Variants in ERBB4 observed in about 807,000 individuals in gnomAD.
ERBB4 encodes the protein erb-b2 receptor tyrosine kinase 4.
Under a neutral mutation model 158.0 loss-of-function variants are expected in ERBB4, and 42 were observed. The observed-to-expected ratio is 0.27, with a 90% CI of 0.21 to 0.34. The LOEUF (loss-of-function observed/expected upper bound fraction) is 0.34, where lower values mean the gene tolerates loss of function less well. Ranked by LOEUF, ERBB4 falls within the 10% of genes least tolerant of loss-of-function variation. ERBB4 has a pLI of 1.00. For synonymous variants in ERBB4, 583 were observed against 558.7 expected, an observed-to-expected ratio of 1.04 and a Z score of -0.61; for missense variants, 1,333 against 1,624.1, an observed-to-expected ratio of 0.82 and a Z score of 3.08.
intron 1 of ERBB4, among the ~76,000 whole-genome samples, chr2:212,296,425 A>G (rs2086413265): frequency 6.6e-6 from 1 of 151,980 alleles, no homozygotes; most frequent in African/African-American, 2.4e-5. Context: ...TGACATATTC[A>G]ATTTGTAGTG....
At chr2:211,632,482 A>G (rs1479243336) in intron 16 of ERBB4, among the ~76,000 whole-genome samples, 1 of 152,110 alleles carries the variant, frequency 6.6e-6, no homozygotes, top group Non-Finnish European at 1.5e-5. Context: ...CGTTAATTGT[A>G]GATTCAGACC....
intron 5 of ERBB4, among the ~76,000 whole-genome samples, chr2:211,733,676 A>G (rs1006919749): frequency 3.5e-5 from 3 of 85,950 alleles, no homozygotes; most frequent in Non-Finnish European, 6.9e-5. Flanking sequence ...ACAAACAAAA[A>G]CCAAAAAAAA....
rs939636706 is a variant in ERBB4 at position 211,683,182 on chromosome 2, A to T, written c.1490-3998T>A. 8.5e-5 allele frequency among the ~76,000 whole-genome samples: 13 copies of T among 152,132 alleles called. No homozygotes were observed. In the South Asian group the frequency reaches 1.0e-3, roughly 12 times the overall value. ...GATACAGAGAGATACCGTGTTATAG[A>T]TACCCAGTTTTATCTCATAAGATCT... On this transcript the variant is annotated intron_variant, in intron 12 of 27. Coordinates refer to ENST00000342788, the MANE Select transcript of ERBB4 (RefSeq NM_005235.3).
chr2:211,582,522 A>G (rs2068134998), intron 19 of ERBB4, among the ~76,000 whole-genome samples: 1 of 152,204 alleles, frequency 6.6e-6, no homozygotes, highest in South Asian at 2.1e-4. Context: ...AAAAATTTTA[A>G]ATTATTAGAA....
chr2:211,473,934 A>C (rs544377191), intron 20 of ERBB4, among the ~76,000 whole-genome samples: 1 of 152,166 alleles, frequency 6.6e-6, no homozygotes, highest in African/African-American at 2.4e-5. Flanking sequence ...AGATTCAACT[A>C]CTGGGAAGGA....
intron 1 of ERBB4, among the ~76,000 whole-genome samples, chr2:212,289,361 C>T (rs1004802982): frequency 6.6e-6 from 1 of 152,090 alleles, no homozygotes. Flanking sequence ...TTGGCAGTTA[C>T]TCTCACTAAA....
At chr2:212,062,785 A>C (rs2077820503) in intron 2 of ERBB4, among the ~76,000 whole-genome samples, 2 of 152,204 alleles carry the variant, frequency 1.3e-5, no homozygotes, top group Non-Finnish European at 2.9e-5. Flanking sequence ...ATCTCAGATC[A>C]AGCTGATGAA....
chr2:211,738,393 G>C (rs1040648722), intron 5 of ERBB4, among the ~76,000 whole-genome samples: 2 of 132,400 alleles, frequency 1.5e-5, no homozygotes, highest in Non-Finnish European at 1.6e-5. Flanking sequence ...TTTTGAGACA[G>C]AGTCTTGCTC....
chr2:211,677,293 A>C (rs538897954), intron 13 of ERBB4, among the ~76,000 whole-genome samples: 1 of 152,148 alleles, frequency 6.6e-6, no homozygotes, highest in Non-Finnish European at 1.5e-5. Context: ...GGCCGGGTGC[A>C]GTGGCTCATA....
chr2:211,604,570 A>C (rs2068915326), intron 19 of ERBB4, among the ~76,000 whole-genome samples: 1 of 152,212 alleles, frequency 6.6e-6, no homozygotes, highest in Non-Finnish European at 1.5e-5. Context: ...TCAACCTCAT[A>C]GCACAGAGAC....
chr2:212,477,045 T>C lies in ERBB4; in HGVS notation c.82+61404A>G, dbSNP rs1313745482. On this transcript the variant is annotated intron_variant, in intron 1 of 27. Transcript: ENST00000342788. ...TGGTATAGTAATGGTACCCACATCA[T>C]AGTGTAATTAAAAAGATTAAATGAA... Among the ~76,000 whole-genome samples, 8 of 152,284 alleles carry C rather than the reference T, an allele frequency of 5.3e-5. No individual in the cohort carries two copies. The East Asian group carries it at 1.5e-3, about 29-fold the overall frequency.
At chr2:211,447,899 G>A (rs1035241120) in intron 20 of ERBB4, among the ~76,000 whole-genome samples, 5 of 152,110 alleles carry the variant, frequency 3.3e-5, no homozygotes, top group Non-Finnish European at 7.4e-5. Flanking sequence ...CATTAAGAAC[G>A]CCTGTTAAGA....
intron 11 of ERBB4, among the ~76,000 whole-genome samples, chr2:211,703,621 A>T (rs747455862): frequency 1.3e-5 from 2 of 151,950 alleles, no homozygotes; most frequent in East Asian, 3.9e-4. Context: ...CTAAACCTGA[A>T]TTTTTTTTGT....
intron 5 of ERBB4, among the ~76,000 whole-genome samples, chr2:211,726,048 T>G (rs2106135898): frequency 6.6e-6 from 1 of 152,330 alleles, no homozygotes; most frequent in South Asian, 2.1e-4. Context: ...CTTATCTCAC[T>G]TATTCCAAAA....
At chr2:211,514,448 C>T (rs1440587539) in intron 20 of ERBB4, among the ~76,000 whole-genome samples, 1 of 151,910 alleles carries the variant, frequency 6.6e-6, no homozygotes, top group East Asian at 1.9e-4. Context: ...ATATTGAGCA[C>T]ATAACAAGAA....
intron 2 of ERBB4, among the ~76,000 whole-genome samples, chr2:212,019,100 A>G (rs528541283): frequency 3.0e-4 from 46 of 152,244 alleles, no homozygotes; most frequent in African/African-American, 1.1e-3. Flanking sequence ...CTCCCGAAGC[A>G]CAGAGCAGCA....
intron 1 of ERBB4, among the ~76,000 whole-genome samples, chr2:212,415,890 A>G (rs917411426): frequency 9.2e-5 from 14 of 152,168 alleles, no homozygotes; most frequent in African/African-American, 1.7e-4. Flanking sequence ...TTATTTTTCC[A>G]TTCAAATTAT....
chr2:212,219,974 G>A (rs1040542212), intron 1 of ERBB4, among the ~76,000 whole-genome samples: 4 of 150,484 alleles, frequency 2.7e-5, no homozygotes, highest in Non-Finnish European at 1.5e-5. Flanking sequence ...AAAAAAGTGG[G>A]ATTTTTCATC....
chr2:212,110,884 C>T (rs2079384273), intron 2 of ERBB4, among the ~76,000 whole-genome samples: 1 of 152,190 alleles, frequency 6.6e-6, no homozygotes, highest in Non-Finnish European at 1.5e-5. Flanking sequence ...GAAATAAATG[C>T]AGTGGTCATC....
Sources: allele counts gnomAD v4.1 joint callset (sites outside exome capture counted in the v4.1 genomes callset), GRCh38; gene constraint gnomAD v4.1.1; transcripts MANE v1.5; gene names NCBI Gene and HGNC (gene_info 2026-07-23, HGNC 2026-07-21).